Variants in SAMD14 observed in about 807,000 individuals in gnomAD.
The protein encoded by SAMD14 is sterile alpha motif domain-containing protein 14.
A neutral mutation model predicts 46.2 loss-of-function variants in SAMD14; 27 were observed. The observed-to-expected ratio is 0.58, with a 90% CI of 0.43 to 0.81. The LOEUF is 0.81. Ranked by LOEUF, SAMD14 falls within the 30% of genes least tolerant of loss-of-function variation. SAMD14 has a pLI of 0.00. For missense variants in SAMD14, 559 were observed against 582.2 expected, an observed-to-expected ratio of 0.96 and a Z score of 0.41; for synonymous variants, 241 against 254.3, an observed-to-expected ratio of 0.95 and a Z score of 0.50.
At chr17:50,114,600 A>G (rs1361084003) in intron 7 of SAMD14, 3 of 651,908 alleles carry the variant, frequency 4.6e-6, no homozygotes, top group Non-Finnish European at 7.7e-6. Context: ...GACCACCGAG[A>G]TTCCCCCAGG....
rs1246449913 is a variant in SAMD14 at position 50,117,398 on chromosome 17, G to T, written c.499+9C>A. 7.7e-6 allele frequency: 10 copies of T among 1,296,286 alleles called. No homozygotes were observed. The highest frequency in any genetic ancestry group is 8.8e-6 in the Non-Finnish European group (9 of 1,024,496). The allele number at this position is 1,296,286 out of a possible 1,614,324, so 80.3% of individuals were successfully genotyped here. ...ACCAGCAGGAGGTGCGGCGCTGGCC[G>T]CCTCTCACCTTCGCTGTGCGGCTCT... On this transcript the variant is annotated intron_variant, in intron 4 of 9. Coordinates refer to ENST00000330175, the MANE Select transcript of SAMD14 (RefSeq NM_001257359.2).
In SAMD14 at chr17:50,115,170, C is replaced by T. The variant is rs189924910; in HGVS notation, c.822+394G>A. 308 of 173,672 alleles carry T rather than the reference C, an allele frequency of 1.8e-3. 1 individual carries two copies. Among genetic ancestry groups the T allele is most frequent in the Non-Finnish European group, 1.9e-3 (158 of 82,482 alleles). The allele number at this position is 173,672 out of a possible 1,614,324, so 10.8% of individuals were successfully genotyped here. The stretch of plus-strand genomic sequence containing the variant: ...AGCTTTCAGACCACTAGGTTGGGGT[C>T]CTGTTTGTCTCTATATCCCCCAGGC... On this transcript the variant is annotated intron_variant, in intron 7 of 9. Transcript: ENST00000330175. The surrounding 1 kb of genome is among the most constrained non-coding windows in gnomAD (Gnocchi z 5.3).
At chr17:50,118,433 C>G in intron 2 of SAMD14, 106 bp from the exon 3 acceptor site, 1 of 1,357,112 alleles carries the variant, frequency 7.4e-7, no homozygotes, top group Non-Finnish European at 1.0e-6. Context: ...GCATTCAACC[C>G]GTGTTCTTGA....
Position 50,117,689 on chromosome 17 carries a change from C to T in SAMD14, c.217G>A (p.Asp73Asn). Residue 73 changes from aspartate to asparagine, a missense_variant, in exon 4 of 10, where the codon GAT becomes AAT. By Grantham distance (23) the Asp-to-Asn change is conservative (BLOSUM62 1). Transcript: ENST00000330175. ...GSDGPGGKVT[D>N]GCGSPLHRLR... Reference sequence around the variant, plus strand: ...CGGTGCAGGGGGCTCCCGCAGCCATCGGTCACCTGGACGAGGGGGCAGCCG... The same window carrying T: ...CGGTGCAGGGGGCTCCCGCAGCCATTGGTCACCTGGACGAGGGGGCAGCCG... 3.4e-6 allele frequency: 5 copies of T among 1,453,962 alleles called. No homozygotes were observed. Among genetic ancestry groups the T allele is most frequent in the South Asian group, 1.4e-5 (1 of 70,608 alleles). 90.1% of individuals were successfully genotyped at this position (1,453,962 alleles called of 1,614,324 possible). A position where few individuals can be genotyped will look rare whatever the true frequency, so the allele number is the denominator to read the frequency against.
chr17:50,126,583 G>A (rs1439775052), intron 1 of SAMD14, among the ~76,000 whole-genome samples: 1 of 152,012 alleles, frequency 6.6e-6, no homozygotes, highest in Non-Finnish European at 1.5e-5. Context: ...GGGATTACAG[G>A]CGTGAGCCAC....
In SAMD14 at chr17:50,115,942, A is replaced by G. The variant is rs778713665; in HGVS notation, c.588-38T>C. 1.6e-5 allele frequency: 26 copies of G among 1,613,098 alleles called. No individual in the cohort carries two copies. Among genetic ancestry groups the G allele is most frequent in the Non-Finnish European group, 2.0e-5 (24 of 1,179,640 alleles). On this transcript the variant is annotated intron_variant, in intron 5 of 9. Coordinates refer to ENST00000330175, the MANE Select transcript of SAMD14 (RefSeq NM_001257359.2). This position sits in a 1 kb window ranked among gnomAD's most constrained non-coding sequence, Gnocchi z 5.3. ...AGCAGGAAGTGGGGCAGGGCTGCCC[A>G]CTGTGCTACCCCTTACCCCAGCAGC...
At chr17:50,116,840 T>C (rs528025158) in intron 4 of SAMD14, among the ~76,000 whole-genome samples, 10 of 152,304 alleles carry the variant, frequency 6.6e-5, no homozygotes, top group African/African-American at 2.2e-4. Flanking sequence ...ATAGCACTTG[T>C]TATAGTTTAT....
intron 2 of SAMD14, 144 bp downstream of exon 2, chr17:50,124,773 A>ACGCGCGTG (rs1338694812): frequency 3.0e-6 from 1 of 336,670 alleles, no homozygotes; most frequent in Non-Finnish European, 5.4e-6. Context: ...GCGCGCGCGC[A>ACGCGCGTG]CACACACACA....
rs1035068685 is a variant in SAMD14 at position 50,118,200 on chromosome 17, G to A, written c.171C>T (p.Ser57=). Reference sequence around the variant, plus strand: ...CATCCGAGCCTTCACCATCCTCCGCGGAGCTGGCACTGTCCCGAAGCCTGG... The same window carrying A: ...CATCCGAGCCTTCACCATCCTCCGCAGAGCTGGCACTGTCCCGAAGCCTGG... ...SRSRLRDSAS[S]AEDGEGSDGP... The change falls in exon 3 of 10, where the codon TCC becomes TCT. Residue 57 remains serine (S), a synonymous_variant. Transcript: ENST00000330175. The A allele has an allele frequency of 2.2e-5, 35 of 1,610,594 alleles. No homozygotes were observed. The highest frequency in any genetic ancestry group is 2.7e-5 in the Non-Finnish European group (32 of 1,177,680).
intron 4 of SAMD14, 67 bp from the exon 5 acceptor site, chr17:50,116,157 G>A: frequency 6.5e-7 from 1 of 1,543,868 alleles, no homozygotes; most frequent in Non-Finnish European, 8.7e-7. Flanking sequence ...GGCTGCCAGT[G>A]TGGGGTGGTA....
rs1372045025 is a variant in SAMD14, at chr17:50,115,844, C to G, written c.648G>C (p.Leu216=). Residue 216 remains leucine (L), a synonymous_variant, in exon 6 of 10, where the codon CTG becomes CTC. Transcript: ENST00000330175. The surrounding 1 kb of genome is among the most constrained non-coding windows in gnomAD (Gnocchi z 5.3). ...KSRKEKGSNR[L]SMGSRESVEG... ...GCACCTCTCACCTGCTGCCCATGGA[C>G]AGTCGGTTGCTGCCTTTCTCCTTCC... 6.2e-7 allele frequency: 1 copy of G among 1,613,032 alleles called. No individual in the cohort carries two copies. Among genetic ancestry groups the G allele is most frequent in the Non-Finnish European group, 8.5e-7 (1 of 1,179,904 alleles).
Position 50,112,507 on chromosome 17 carries a change from G to GGCAA in SAMD14, c.*382_*385dup. The GGCAA allele has an allele frequency of 6.0e-6, 1 of 166,898 alleles. No homozygotes were observed. Among genetic ancestry groups the GGCAA allele is most frequent in the Admixed American group, 6.1e-5 (1 of 16,288 alleles). 10.3% of individuals were successfully genotyped at this position (166,898 alleles called of 1,614,324 possible). ...GGGCCCGGCCTCAGGGCCTCTGGCA[G>GGCAA]GCAAGCAGGCAGGCAGGCCTCCTAG... On this transcript the variant is annotated 3_prime_UTR_variant, in exon 10 of 10. Coordinates refer to ENST00000330175, the MANE Select transcript of SAMD14 (RefSeq NM_001257359.2).
At position 50,117,532 on chromosome 17, in the gene SAMD14, AG is replaced by A; in HGVS notation, c.373del (p.Leu125CysfsTer154). On this transcript the variant is annotated frameshift_variant, in exon 4 of 10. Coordinates refer to ENST00000330175, the MANE Select transcript of SAMD14 (RefSeq NM_001257359.2). LOFTEE classifies it high-confidence loss of function. ...GCCCTCGTGCGACGCAGCGTTGTGC[AG>A]GGGCCGGTAGCGTGTGAGCGGCGAG... is the stretch of plus-strand genomic sequence containing the variant. ...PPSPLTRYRPLHNAASHEGLA... is the reference protein window; with the variant it reads ...PPSPLTRYRPXHNAASHEGLA... 1.3e-6 allele frequency: 2 copies of A among 1,536,520 alleles called. No individual in the cohort carries two copies. The highest frequency in any genetic ancestry group is 1.2e-5 in the South Asian group (1 of 82,704).
rs751877592 is a variant in SAMD14, at chr17:50,118,198, G to A, written c.173C>T (p.Ala58Val). Residue 58 changes from alanine to valine, a missense_variant, in exon 3 of 10, where the codon GCG becomes GTG. Transcript: ENST00000330175. The part of the protein sequence containing the change: ...RSRLRDSASS[A>V]EDGEGSDGPG... ...CCCATCCGAGCCTTCACCATCCTCCGCGGAGCTGGCACTGTCCCGAAGCCT... is the reference window on the plus strand; with the variant it reads ...CCCATCCGAGCCTTCACCATCCTCCACGGAGCTGGCACTGTCCCGAAGCCT... 4.3e-6 allele frequency: 7 copies of A among 1,610,266 alleles called. No homozygotes were observed. The Admixed American group carries it at 8.4e-5, about 19-fold the overall frequency.
In SAMD14 at chr17:50,120,173, T is replaced by C. The variant is rs181055558; in HGVS notation, c.44-1846A>G. ...TGAGGCTGGGTAATGAGTTCTTGAG[T>C]GCATGATAGACTACACTTTGCTGTA... On this transcript the variant is annotated intron_variant, in intron 2 of 9. Coordinates refer to ENST00000330175, the MANE Select transcript of SAMD14 (RefSeq NM_001257359.2). Among the ~76,000 whole-genome samples, 525 of 152,300 alleles carry C rather than the reference T, an allele frequency of 3.4e-3. 6 individuals are homozygous for C. The highest frequency in any genetic ancestry group is 0.012 in the African/African-American group (505 of 41,558).
In SAMD14 at chr17:50,129,125, T is replaced by C. The variant is rs1317026666; in HGVS notation, c.-13+392A>G. On this transcript the variant is annotated intron_variant, in intron 1 of 9. Coordinates refer to ENST00000330175, the MANE Select transcript of SAMD14 (RefSeq NM_001257359.2). The surrounding 1 kb of genome is among the most constrained non-coding windows in gnomAD (Gnocchi z 5.6). Reference sequence around the variant, plus strand: ...GGAGTCGGGCACCCCCTCAAAGCACTGTTGGAGATGGGGTGAGGTTGGGGA... The same window carrying C: ...GGAGTCGGGCACCCCCTCAAAGCACCGTTGGAGATGGGGTGAGGTTGGGGA... Among the ~76,000 whole-genome samples, 3 of 152,060 alleles carry C rather than the reference T, an allele frequency of 2.0e-5. No homozygotes were observed. The highest frequency in any genetic ancestry group is 4.4e-5 in the Non-Finnish European group (3 of 67,972).
chr17:50,117,278 G>A, intron 4 of SAMD14, 129 bp downstream of exon 4: 2 of 916,070 alleles, frequency 2.2e-6, no homozygotes, highest in East Asian at 3.4e-5. Flanking sequence ...GAGCGGCGGC[G>A]TTTACTCTTC....
Position 50,110,216 on chromosome 17 carries a change from CTG to C in SAMD14, c.*2675_*2676del, listed in dbSNP as rs1350591277. 8.7e-7 allele frequency: 1 copy of C among 1,151,912 alleles called. No homozygotes were observed. Among genetic ancestry groups the C allele is most frequent in the Non-Finnish European group, 1.2e-6 (1 of 834,510 alleles). 71.4% of individuals were successfully genotyped at this position (1,151,912 alleles called of 1,614,324 possible). Reference sequence around the variant, plus strand: ...GTGGGTTCTCCCTGATGACCAGGTTCTGTCTCTATGGAAGTCACTGCGGTGAT... The same window carrying C: ...GTGGGTTCTCCCTGATGACCAGGTTCTCTCTATGGAAGTCACTGCGGTGAT... On this transcript the variant is annotated 3_prime_UTR_variant, in exon 10 of 10. Coordinates refer to ENST00000330175, the MANE Select transcript of SAMD14 (RefSeq NM_001257359.2).
rs765193663 is a variant in SAMD14 at position 50,117,690 on chromosome 17, G to A, written c.216C>T (p.Thr72=). ...GGTGCAGGGGGCTCCCGCAGCCATC[G>A]GTCACCTGGACGAGGGGGCAGCCGC... ...EGSDGPGGKV[T]DGCGSPLHRL... is the part of the protein sequence containing the mutation. The change falls in exon 4 of 10, where the codon ACC becomes ACT. Residue 72 remains threonine, a synonymous_variant. Transcript: ENST00000330175. 1 of 1,452,678 alleles carries A rather than the reference G, an allele frequency of 6.9e-7. No homozygotes were observed. 90.0% of individuals were successfully genotyped at this position (1,452,678 alleles called of 1,614,324 possible).
Sources: allele counts gnomAD v4.1 joint callset (sites outside exome capture counted in the v4.1 genomes callset), GRCh38; gene constraint gnomAD v4.1.1; non-coding constraint Gnocchi (gnomAD v3.1); transcripts MANE v1.5; gene names NCBI Gene and HGNC (gene_info 2026-07-23, HGNC 2026-07-21).